The following GPHN variants were observed in gnomAD, a reference collection of about 807,000 sequenced individuals.
GPHN encodes the protein gephyrin.
In GPHN, 17 loss-of-function variants were observed where a neutral mutation model predicts 95.5. The ratio of observed to expected loss-of-function variants is 0.18; its 90% CI spans 0.12 to 0.27. GPHN has a LOEUF of 0.27. Among genes scored for constraint, GPHN ranks in the 10% least tolerant of loss-of-function variants. GPHN has a pLI of 1.00. For missense variants in GPHN, 660 were observed against 978.1 expected (o/e 0.67, Z 4.34); for synonymous variants, 320 against 322.5 (o/e 0.99, Z 0.08).
At chr14:66,618,728 G>A (rs964015051) in intron 1 of GPHN, among the ~76,000 whole-genome samples, 2 of 152,122 alleles carry the variant, frequency 1.3e-5, no homozygotes, top group Non-Finnish European at 2.9e-5. Flanking sequence ...ATCCTGGGTT[G>A]GAGTGTGTTA....
At chr14:67,561,871 A>G in the GPHN span, 8 of 364,568 alleles carry the variant, frequency 2.2e-5, no homozygotes, top group Non-Finnish European at 2.9e-5. Flanking sequence ...CCCTGTCTCA[A>G]AAAAAAAAAA....
At chr14:67,075,134 G>A (rs1358819291) in intron 11 of GPHN, among the ~76,000 whole-genome samples, 10 of 152,074 alleles carry the variant, frequency 6.6e-5, no homozygotes, top group Admixed American at 5.2e-4. Flanking sequence ...TCCTGATAGG[G>A]GCTAAAGTAG....
intron 2 of GPHN, among the ~76,000 whole-genome samples, chr14:66,755,385 T>C (rs556758813): frequency 6.6e-6 from 1 of 152,250 alleles, no homozygotes; most frequent in South Asian, 2.1e-4. Context: ...GGGAAATTTT[T>C]CAAGTTTGTC....
At chr14:67,078,357 C>T (rs1241294741) in intron 11 of GPHN, among the ~76,000 whole-genome samples, 1 of 152,166 alleles carries the variant, frequency 6.6e-6, no homozygotes, top group Non-Finnish European at 1.5e-5. Flanking sequence ...AGCCCTTTGG[C>T]TCCCACTGCT....
chr14:67,312,787 C>G, the GPHN span: 4 of 1,122,064 alleles, frequency 3.6e-6, no homozygotes, highest in Non-Finnish European at 3.6e-6. Context: ...GAAAAACTCA[C>G]TCTTTCATGC....
chr14:67,401,820 A>G, the GPHN span, among the ~76,000 whole-genome samples: 2 of 152,238 alleles, frequency 1.3e-5, no homozygotes, highest in African/African-American at 4.8e-5. Flanking sequence ...ACCAACAGAT[A>G]TCGGGCAGAA....
chr14:67,397,028 T>C, the GPHN span, among the ~76,000 whole-genome samples: 1 of 151,418 alleles, frequency 6.6e-6, no homozygotes, highest in Non-Finnish European at 1.5e-5. Flanking sequence ...AAACTCTGCC[T>C]CCCAGGGTCA....
chr14:66,919,751 C>T (rs2066106596), intron 6 of GPHN, among the ~76,000 whole-genome samples: 1 of 152,118 alleles, frequency 6.6e-6, no homozygotes, highest in Non-Finnish European at 1.5e-5. Context: ...CCAGTTGCTT[C>T]TCTCTACTTT....
chr14:67,174,320 A>T (rs1329272183), intron 21 of GPHN, among the ~76,000 whole-genome samples: 1 of 147,232 alleles, frequency 6.8e-6, no homozygotes, highest in Non-Finnish European at 1.5e-5. Context: ...TATGAGTGAG[A>T]ACACACGGTG....
intron 17 of GPHN, among the ~76,000 whole-genome samples, chr14:67,140,115 G>A (rs373244156): frequency 5.3e-5 from 8 of 152,150 alleles, no homozygotes; most frequent in Admixed American, 3.3e-4. Context: ...CTGGCACGGC[G>A]GCTCACACCT....
At chr14:66,868,239 G>A (rs542886633) in intron 4 of GPHN, among the ~76,000 whole-genome samples, 5 of 152,202 alleles carry the variant, frequency 3.3e-5, no homozygotes, top group Non-Finnish European at 5.9e-5. Context: ...TACCTAATCA[G>A]GTTACAAGCA....
At chr14:66,864,116 A>G (rs1208612782) in intron 4 of GPHN, among the ~76,000 whole-genome samples, 1 of 152,208 alleles carries the variant, frequency 6.6e-6, no homozygotes, top group Non-Finnish European at 1.5e-5. Context: ...ACAACTCTAT[A>G]GGAAAAAGAT....
the GPHN span, among the ~76,000 whole-genome samples, chr14:67,318,922 A>G: frequency 1.3e-5 from 2 of 152,068 alleles, no homozygotes; most frequent in Non-Finnish European, 2.9e-5. Context: ...GCCAGGCGTG[A>G]TGGCGGGTGC....
the GPHN span, among the ~76,000 whole-genome samples, chr14:67,489,351 G>T: frequency 6.6e-6 from 1 of 152,074 alleles, no homozygotes; most frequent in Non-Finnish European, 1.5e-5. Flanking sequence ...CATCCTTAAG[G>T]CACATGTCTG....
At position 66,591,621 on chromosome 14, in the gene GPHN, T is replaced by G. The variant is rs962969437; in HGVS notation, c.64+83030T>G. Among the ~76,000 whole-genome samples, 35 of 152,102 alleles carry G rather than the reference T, an allele frequency of 2.3e-4. 1 individual carries two copies. Among genetic ancestry groups the G allele is most frequent in the Admixed American group, 1.8e-3 (28 of 15,286 alleles). On this transcript the variant is annotated intron_variant, in intron 1 of 22. Transcript: ENST00000478722. ...AAGGGATGTGAAGGACCTCTTCAAG[T>G]ACAACTACAAACCACTGCTCAAGGA...
chr14:67,345,992 T>C, the GPHN span: 17 of 669,232 alleles, frequency 2.5e-5, no homozygotes, highest in South Asian at 2.4e-4. Flanking sequence ...CTAATCTTCA[T>C]TGAATGTAAA....
chr14:66,810,532 C>G (rs554167929), intron 3 of GPHN, among the ~76,000 whole-genome samples: 1 of 151,990 alleles, frequency 6.6e-6, no homozygotes, highest in South Asian at 2.1e-4. Flanking sequence ...ATGTTTGAGA[C>G]AAGGTAATAA....
At chr14:67,616,332 T>C in the GPHN span, 1 of 152,814 alleles carries the variant, frequency 6.5e-6, no homozygotes, top group Admixed American at 6.5e-5. Flanking sequence ...GTGGGGGCTG[T>C]AAATTGACAT....
chr14:67,620,232 T>C, the GPHN span: 3 of 294,262 alleles, frequency 1.0e-5, no homozygotes, highest in East Asian at 3.0e-4. Flanking sequence ...TTCCCGCTAC[T>C]GGGCACCGTG....
Sources: allele counts gnomAD v4.1 joint callset (sites outside exome capture counted in the v4.1 genomes callset), GRCh38; gene constraint gnomAD v4.1.1; transcripts MANE v1.5; gene names NCBI Gene and HGNC (gene_info 2026-07-23, HGNC 2026-07-21).